Variants in SEM1 observed in about 807,000 individuals in gnomAD.
SEM1 encodes the protein 26S proteasome complex subunit SEM1.
Under a neutral mutation model 12.7 loss-of-function variants are expected in SEM1, and 3 were observed. The ratio of observed to expected loss-of-function variants is 0.24; its 90% CI spans 0.11 to 0.61. The LOEUF (loss-of-function observed/expected upper bound fraction) is 0.61. SEM1 is among the 20% of genes least tolerant of loss of function. The probability of loss-of-function intolerance (pLI) is 0.88; values close to 1 mark genes in which losing one functional copy is unlikely to be tolerated. For missense variants in SEM1, 59 were observed against 81.3 expected (o/e 0.73, Z 1.06); for synonymous variants, 30 against 27.8 (o/e 1.08, Z -0.25).
chr7:96,661,810 A>C (rs1789011029), intron 2 of SEM1, among the ~76,000 whole-genome samples: 1 of 151,918 alleles, frequency 6.6e-6, no homozygotes, highest in Non-Finnish European at 1.5e-5. Flanking sequence ...CAACATGGAG[A>C]AACCCCATCT....
chr7:96,571,247 C>T (rs906675129), intron 2 of SEM1, among the ~76,000 whole-genome samples: 7 of 151,972 alleles, frequency 4.6e-5, no homozygotes, highest in Non-Finnish European at 7.4e-5. Flanking sequence ...TGTTGCCATG[C>T]TTTTGGTGTT....
At chr7:96,541,431 G>GT (rs55863103) in intron 2 of SEM1, among the ~76,000 whole-genome samples, 2,558 of 121,388 alleles carry the variant, frequency 0.021, 67 homozygotes, top group African/African-American at 0.092. Flanking sequence ...TTTTTAATGG[G>GT]TTTTTTTTTT....
At chr7:96,521,761 A>C (rs565788477) in intron 2 of SEM1, among the ~76,000 whole-genome samples, 91 of 152,264 alleles carry the variant, frequency 6.0e-4, no homozygotes, top group African/African-American at 2.1e-3. Context: ...TTTGCAGCCC[A>C]AAATGGAGGC....
chr7:96,703,841 G>C (rs1790349836), intron 1 of SEM1, among the ~76,000 whole-genome samples: 1 of 151,978 alleles, frequency 6.6e-6, no homozygotes. Context: ...CCAGCTACTA[G>C]GGAGGCTGAT....
chr7:96,618,963 T>C (rs1333043311), downstream of SEM1, among the ~76,000 whole-genome samples: 2 of 152,160 alleles, frequency 1.3e-5, no homozygotes, highest in African/African-American at 2.4e-5. Flanking sequence ...AAAAACAAAC[T>C]ATCTATCTTC....
At chr7:96,664,362 G>A (rs1371814287) in intron 2 of SEM1, 6 of 152,158 alleles carry the variant, frequency 3.9e-5, no homozygotes, top group African/African-American at 1.4e-4. Flanking sequence ...TGAGTTCCCT[G>A]TTTATTCACC....
chr7:96,661,631 T>C (rs774543082), intron 2 of SEM1, among the ~76,000 whole-genome samples: 2 of 152,076 alleles, frequency 1.3e-5, no homozygotes, highest in Non-Finnish European at 2.9e-5. Flanking sequence ...CAATTGACTT[T>C]TATATGGCAA....
chr7:96,683,221 A>C (rs1215894810), intron 2 of SEM1, among the ~76,000 whole-genome samples: 1 of 151,868 alleles, frequency 6.6e-6, no homozygotes, highest in African/African-American at 2.4e-5. Flanking sequence ...AAGTGGGTGA[A>C]TGATATGAAC....
intron 2 of SEM1, among the ~76,000 whole-genome samples, chr7:96,675,668 C>T (rs1789432899): frequency 6.6e-6 from 1 of 152,108 alleles, no homozygotes; most frequent in South Asian, 2.1e-4. Flanking sequence ...TTTCCTACTT[C>T]AGAAGCTGAG....
intron 2 of SEM1, among the ~76,000 whole-genome samples, chr7:96,665,593 G>A (rs1344412183): frequency 6.6e-6 from 1 of 152,148 alleles, no homozygotes; most frequent in African/African-American, 2.4e-5. Context: ...TTCTTTGCTG[G>A]ACTGAGGAAG....
chr7:96,683,519 C>A (rs1015055485), intron 2 of SEM1, among the ~76,000 whole-genome samples: 2 of 152,176 alleles, frequency 1.3e-5, no homozygotes, highest in Admixed American at 6.5e-5. Flanking sequence ...TTTGGCCCAG[C>A]AATCCCATTA....
intron 2 of SEM1, among the ~76,000 whole-genome samples, chr7:96,678,919 C>A (rs1789521936): frequency 6.6e-6 from 1 of 152,056 alleles, no homozygotes; most frequent in Non-Finnish European, 1.5e-5. Flanking sequence ...CTGTTTGATA[C>A]AATAGTCTTG....
downstream of SEM1, among the ~76,000 whole-genome samples, chr7:96,686,000 A>T (rs1789751449): frequency 6.6e-6 from 1 of 152,042 alleles, no homozygotes; most frequent in South Asian, 2.1e-4. Flanking sequence ...TCTGCAAGAA[A>T]CCCAAGAGTC....
chr7:96,637,740 G>GCATAC (rs1288177173), intron 2 of SEM1, among the ~76,000 whole-genome samples: 1 of 151,866 alleles, frequency 6.6e-6, no homozygotes, highest in Non-Finnish European at 1.5e-5. Context: ...AAATCATTTG[G>GCATAC]GTATGGACAG....
Position 96,545,273 on chromosome 7 carries a change from G to A in SEM1, c.171-38575C>T, listed in dbSNP as rs189579905. On this transcript the variant is annotated intron_variant and NMD_transcript_variant, in intron 2 of 3. Transcript: ENST00000466986. ...TGATATTTCAAAAATTTTGTCCCAT[G>A]TATTCTAACTTTCTTACTAATTTTA... 2.9e-3 allele frequency among the ~76,000 whole-genome samples: 435 copies of A among 152,112 alleles called. 1 individual carries two copies. The highest frequency in any genetic ancestry group is 9.8e-3 in the African/African-American group (408 of 41,528).
At chr7:96,515,918 C>G (rs1245772164) in intron 2 of SEM1, among the ~76,000 whole-genome samples, 1 of 152,108 alleles carries the variant, frequency 6.6e-6, no homozygotes, top group Admixed American at 6.6e-5. Flanking sequence ...GGAGAAATAC[C>G]TAATGTAAAT....
intron 2 of SEM1, among the ~76,000 whole-genome samples, chr7:96,543,520 T>A (rs141562373): frequency 3.0e-4 from 45 of 152,056 alleles, no homozygotes; most frequent in African/African-American, 9.9e-4. Flanking sequence ...AAATATATAT[T>A]TTTTAACAAT....
chr7:96,573,139 G>T (rs1415449980), intron 2 of SEM1, among the ~76,000 whole-genome samples: 1 of 148,746 alleles, frequency 6.7e-6, no homozygotes, highest in African/African-American at 2.5e-5. Context: ...CCATTTGCTT[G>T]GTAAATATTC....
intron 1 of SEM1, 110 bp downstream of exon 1, chr7:96,709,578 G>T: frequency 2.0e-6 from 2 of 1,009,672 alleles, no homozygotes; most frequent in Non-Finnish European, 3.0e-6. Flanking sequence ...GGCCCTGGGA[G>T]TCCAAACTTC....
Sources: gnomAD v4.1 joint callset for allele counts (sites outside exome capture counted in the v4.1 genomes callset) on GRCh38, gnomAD v4.1.1 for gene constraint, MANE v1.5 for transcripts, NCBI Gene and HGNC (gene_info 2026-07-23, HGNC 2026-07-21) for gene names.